STRN4: variants seen among roughly 807,000 people sequenced by gnomAD.
STRN4 encodes the protein striatin-4.
A neutral mutation model predicts 77.9 loss-of-function variants in STRN4; 27 were observed. That is an observed-to-expected ratio of 0.35 (90% CI 0.26 to 0.48). STRN4 has a LOEUF of 0.48. Among genes scored for constraint, STRN4 ranks in the 20% least tolerant of loss-of-function variants. The probability of loss-of-function intolerance (pLI) is 0.99; values close to 1 mark genes in which losing one functional copy is unlikely to be tolerated. For missense variants in STRN4, 798 were observed against 1,049.7 expected (o/e 0.76, Z 3.31); for synonymous variants, 466 against 443.1 (o/e 1.05, Z -0.65).
rs1323293007 is a variant in STRN4 at position 46,722,290 on chromosome 19, T to G, written c.1957A>C (p.Ile653Leu). Residue 653 changes from isoleucine to leucine, a missense_variant, in exon 15 of 18, where the codon ATC (isoleucine) becomes CTC (leucine). By Grantham distance (5) the Ile-to-Leu change is conservative. Around this residue, in one of 2 missense-constraint regions of STRN4, gnomAD observed 287 missense variants for 473.8 expected, o/e 0.61. Transcript: ENST00000263280. ...ATGCCCCTGTCGTCGTGGGCGGTGA[T>G]GGTGAGAGGCTGGTTTGGATGACTC... The part of the protein sequence containing the change: ...VVSHPNQPLT[I>L]TAHDDRGIRF... 6.2e-7 allele frequency: 1 copy of G among 1,614,126 alleles called. No individual in the cohort carries two copies. The highest frequency in any genetic ancestry group is 1.1e-5 in the South Asian group (1 of 91,078).
chr19:46,725,017 C>T (rs2054074287), intron 11 of STRN4, 89 bp from the exon 12 acceptor site: 1 of 1,568,074 alleles, frequency 6.4e-7, no homozygotes, highest in Non-Finnish European at 8.7e-7. Flanking sequence ...TAGCATTCTT[C>T]AAGGATGGCC....
At chr19:46,721,541 G>A in intron 16 of STRN4, 1 of 194,434 alleles carries the variant, frequency 5.1e-6, no homozygotes, top group Non-Finnish European at 1.1e-5. Context: ...GCGACCTCCA[G>A]TCTCCTTCTC....
At chr19:46,722,589 G>A (rs1284961385) in intron 14 of STRN4, among the ~76,000 whole-genome samples, 2 of 152,224 alleles carry the variant, frequency 1.3e-5, no homozygotes, top group South Asian at 2.1e-4. Flanking sequence ...AAGAGGGCCC[G>A]ACGGGGCGGC....
chr19:46,728,134 A>AG (rs771717541), intron 7 of STRN4, 127 bp from the exon 8 acceptor site: 24 of 903,302 alleles, frequency 2.7e-5, no homozygotes, highest in African/African-American at 3.3e-5. Flanking sequence ...GCCCTGGGGG[A>AG]GGGGGGGAAT....
At chr19:46,727,853 T>G in intron 8 of STRN4, 41 bp downstream of exon 8, 1 of 1,522,832 alleles carries the variant, frequency 6.6e-7, no homozygotes, top group Non-Finnish European at 8.9e-7. Context: ...CCCTCTGCCA[T>G]GGGCCCGCAG....
Position 46,730,754 on chromosome 19 carries a change from T to C in STRN4, c.857A>G (p.Gln286Arg), listed in dbSNP as rs984966452. The C allele has an allele frequency of 1.9e-6, 3 of 1,612,554 alleles. No individual in the cohort carries two copies. Among genetic ancestry groups the C allele is most frequent in the African/African-American group, 2.7e-5 (2 of 74,932 alleles). Residue 286 changes from glutamine (Q) to arginine (R), a missense_variant, in exon 6 of 18, where the codon CAG (glutamine) becomes CGG (arginine). Around this residue, in one of 2 missense-constraint regions of STRN4, gnomAD observed 511 missense variants for 575.9 expected, o/e 0.89. Coordinates refer to ENST00000263280, the MANE Select transcript of STRN4 (RefSeq NM_013403.3). ...CACCTTCACACGCTGCTTCTTGTGC[T>C]GCACGCTGTCCAGCTCATCGTCCTC... Reference protein sequence around the residue: ...SDEDDELDSVQHKKQRVKLPS... With the variant: ...SDEDDELDSVRHKKQRVKLPS...
In STRN4 at chr19:46,738,524, T is replaced by C. The variant is rs1599891173; in HGVS notation, c.386+261A>G. Among the ~76,000 whole-genome samples, 1 of 152,274 alleles carries C rather than the reference T, an allele frequency of 6.6e-6. No homozygotes were observed. Among genetic ancestry groups the C allele is most frequent in the African/African-American group, 2.4e-5 (1 of 41,558 alleles). On this transcript the variant is annotated intron_variant, in intron 2 of 17. Transcript: ENST00000263280. The surrounding 1 kb of genome is among the most constrained non-coding windows in gnomAD (Gnocchi z 4.5). ...CAATACCCGTTAGGCTATTGGAAGG[T>C]ATAAGGGATAACGGAGGTAAGGACT...
rs2054618091 is a variant in STRN4 at position 46,746,386 on chromosome 19, G to GGAGGCGGCGGCGGCGACC, written c.27_44dup (p.Val10_Ser15dup). On this transcript the variant is annotated inframe_insertion, in exon 1 of 18. Transcript: ENST00000263280. The stretch of plus-strand genomic sequence containing the variant: ...CGCCTGAGCCGAGCGGACGGCAGGA[G>GGAGGCGGCGGCGGCGACC]GAGGCGGCGGCGGCGACCGCGGCGG... The GGAGGCGGCGGCGGCGACC allele has an allele frequency of 9.0e-7, 1 of 1,106,936 alleles. No individual in the cohort carries two copies. Among genetic ancestry groups the GGAGGCGGCGGCGGCGACC allele is most frequent in the Non-Finnish European group, 1.1e-6 (1 of 910,054 alleles). The allele number at this position is 1,106,936 out of a possible 1,614,324, so 68.6% of individuals were successfully genotyped here.
At chr19:46,722,208 C>T (rs762546076) in intron 15 of STRN4, 34 bp downstream of exon 15, 4 of 1,608,286 alleles carry the variant, frequency 2.5e-6, no homozygotes, top group South Asian at 1.1e-5. Context: ...CTGGCCCTCC[C>T]CACCCACTAC....
intron 11 of STRN4, 89 bp downstream of exon 11, chr19:46,725,243 C>A: frequency 2.5e-6 from 4 of 1,577,016 alleles, no homozygotes; most frequent in Non-Finnish European, 3.5e-6. Flanking sequence ...CTGCCTCCTG[C>A]CGTGGGCCTC....
intron 4 of STRN4, among the ~76,000 whole-genome samples, 159 bp downstream of exon 4, chr19:46,736,664 C>T (rs191950599): frequency 2.9e-3 from 447 of 152,214 alleles, no homozygotes; most frequent in Non-Finnish European, 5.2e-3. Flanking sequence ...CCAGGCCAGG[C>T]TCCGCCCACA....
rs979980496 is a variant in STRN4, at chr19:46,735,289, G to C, written c.539+1534C>G. ...CCACTGCACTCCACTCTGGGTGAAA[G>C]AGCAAGACTCTGTCTCAAAACATTA... On this transcript the variant is annotated intron_variant, in intron 4 of 17. Coordinates refer to ENST00000263280, the MANE Select transcript of STRN4 (RefSeq NM_013403.3). 3.3e-5 allele frequency among the ~76,000 whole-genome samples: 5 copies of C among 152,134 alleles called. No homozygotes were observed. The East Asian group carries it at 5.8e-4, about 18-fold the overall frequency.
chr19:46,732,897 T>G, intron 5 of STRN4, 142 bp downstream of exon 5: 1 of 987,944 alleles, frequency 1.0e-6, no homozygotes. Context: ...GGACTCAGGG[T>G]TTCAGAACAA....
At position 46,725,371 on chromosome 19, in the gene STRN4, G is replaced by A. The variant is rs769454962; in HGVS notation, c.1433C>T (p.Ala478Val). The change falls in exon 11 of 18, where the codon GCG becomes GTG. Residue 478 changes from alanine to valine, a missense_variant. Physicochemically the swap from Ala to Val is moderately conservative, Grantham distance 64 (BLOSUM62 0). Coordinates refer to ENST00000263280, the MANE Select transcript of STRN4 (RefSeq NM_013403.3). ...AGCATGTATAGGTTCCACATCTAGC[G>A]CCGCATTCCTGTGGGATGACAGAGG... ...QKAVTAKKNA[A>V]LDVEPIHAFR... 25 of 1,614,102 alleles carry A rather than the reference G, an allele frequency of 1.5e-5. No homozygotes were observed. Among genetic ancestry groups the A allele is most frequent in the East Asian group, 8.9e-5 (4 of 44,878 alleles).
chr19:46,727,997 C>T lies in STRN4; in HGVS notation c.1050G>A (p.Arg350=). 6.2e-7 allele frequency: 1 copy of T among 1,613,968 alleles called. No homozygotes were observed. Among genetic ancestry groups the T allele is most frequent in the African/African-American group, 1.3e-5 (1 of 75,056 alleles). ...CAGCCAGAATGCCTTGGAGTTTGAC[C>T]CGACGGCTTTCTGCAGGGTCGAGGC... ...DGSPHELESR[R]VKLQGILADL... Residue 350 remains arginine (R), a synonymous_variant, in exon 8 of 18, where the codon CGG becomes CGA. Transcript: ENST00000263280.
At chr19:46,742,744 G>A (rs960456327) in intron 1 of STRN4, among the ~76,000 whole-genome samples, 3 of 152,110 alleles carry the variant, frequency 2.0e-5, no homozygotes, top group African/African-American at 7.2e-5. Flanking sequence ...TGTATTTTTA[G>A]TAGAGGTGGG....
chr19:46,722,822 G>A lies in STRN4; in HGVS notation c.1894C>T (p.Arg632Trp), dbSNP rs961402749. 26 of 1,613,706 alleles carry A rather than the reference G, an allele frequency of 1.6e-5. No homozygotes were observed. Among genetic ancestry groups the A allele is most frequent in the African/African-American group, 4.0e-5 (3 of 74,932 alleles). Residue 632 changes from arginine to tryptophan, a missense_variant, in exon 14 of 18, where the codon CGG (arginine) becomes TGG (tryptophan). Arg to Trp is a moderately radical substitution (Grantham distance 101, BLOSUM62 -3). Transcript: ENST00000263280. The part of the protein sequence containing the change: ...VGSALLTLES[R>W]GSSGPTQINQ... ...TCAGCCCCCTTACCGCTGCTGCCCCGGGACTCCAGCGTGAGGAGGGCACTG... is the reference window on the plus strand; with the variant it reads ...TCAGCCCCCTTACCGCTGCTGCCCCAGGACTCCAGCGTGAGGAGGGCACTG...
intron 3 of STRN4, among the ~76,000 whole-genome samples, chr19:46,737,691 C>T (rs750343789): frequency 2.0e-5 from 3 of 152,142 alleles, no homozygotes; most frequent in Non-Finnish European, 4.4e-5. Context: ...AGCTTAGACT[C>T]TAAGGGACCA....
At position 46,738,687 on chromosome 19, in the gene STRN4, A is replaced by C; in HGVS notation, c.386+98T>G. The C allele has an allele frequency of 1.7e-6, 2 of 1,148,762 alleles. No homozygotes were observed. The highest frequency in any genetic ancestry group is 2.6e-6 in the Non-Finnish European group (2 of 764,718). The allele number at this position is 1,148,762 out of a possible 1,614,324, so 71.2% of individuals were successfully genotyped here. ...AATGATGGAAAAGAATGTCGACCCC[A>C]AATCTCCCTTAGCTGGAAGGAGGCG... On this transcript the variant is annotated intron_variant, in intron 2 of 17. Coordinates refer to ENST00000263280, the MANE Select transcript of STRN4 (RefSeq NM_013403.3). The surrounding 1 kb of genome is among the most constrained non-coding windows in gnomAD (Gnocchi z 4.5).
Sources: allele counts gnomAD v4.1 joint callset (sites outside exome capture counted in the v4.1 genomes callset), GRCh38; gene constraint gnomAD v4.1.1; regional missense constraint gnomAD v4.1.1; non-coding constraint Gnocchi (gnomAD v3.1); transcripts MANE v1.5; gene names NCBI Gene and HGNC (gene_info 2026-07-23, HGNC 2026-07-21).